Variants in ADD3 observed in about 807,000 individuals in gnomAD.
The protein encoded by ADD3 is adducin 3.
In ADD3, 25 loss-of-function variants were observed where a neutral mutation model predicts 80.2. The observed-to-expected ratio is 0.31, with a 90% CI of 0.23 to 0.44. ADD3 has a LOEUF of 0.44. Among genes scored for constraint, ADD3 ranks in the 20% least tolerant of loss-of-function variants. The pLI is 1.00. For missense variants in ADD3, 829 were observed against 847.5 expected (o/e 0.98, Z 0.27); for synonymous variants, 284 against 289.6 (o/e 0.98, Z 0.20).
chr10:110,005,542 C>T (rs1414671832), upstream of ADD3, among the ~76,000 whole-genome samples: 1 of 152,014 alleles, frequency 6.6e-6, no homozygotes, highest in Non-Finnish European at 1.5e-5. Context: ...TACTAAATAG[C>T]TTTCCTTTAT....
intron 2 of ADD3, among the ~76,000 whole-genome samples, chr10:110,111,800 C>T (rs1237208589): frequency 2.0e-5 from 3 of 152,022 alleles, no homozygotes; most frequent in Non-Finnish European, 4.4e-5. Context: ...GTAATCCCAG[C>T]TACTCAGGAG....
At chr10:110,022,125 G>T (rs934469507) in intron 1 of ADD3, among the ~76,000 whole-genome samples, 1 of 151,652 alleles carries the variant, frequency 6.6e-6, no homozygotes, top group African/African-American at 2.4e-5. Flanking sequence ...TGATAACTCA[G>T]GGGTGAGTCT....
chr10:110,118,820 T>A (rs1851104593), intron 6 of ADD3, 84 bp downstream of exon 6: 2 of 1,355,122 alleles, frequency 1.5e-6, no homozygotes, highest in Non-Finnish European at 2.0e-6. Flanking sequence ...CTTTACTATC[T>A]GCTTTTCAAA....
intron 1 of ADD3, among the ~76,000 whole-genome samples, chr10:110,084,600 C>G (rs893618639): frequency 6.6e-6 from 1 of 152,170 alleles, no homozygotes. Flanking sequence ...CTCTCTCTCT[C>G]AGGATCTGTT....
At chr10:110,109,606 G>A (rs192193294) in intron 2 of ADD3, among the ~76,000 whole-genome samples, 15 of 152,240 alleles carry the variant, frequency 9.9e-5, no homozygotes, top group Admixed American at 3.3e-4. Context: ...TTTAAAAACT[G>A]AATCAAAGAA....
intron 10 of ADD3, among the ~76,000 whole-genome samples, chr10:110,124,489 A>G (rs190072211): frequency 1.5e-4 from 23 of 152,250 alleles, no homozygotes; most frequent in African/African-American, 4.3e-4. Context: ...CTGTTTTTCT[A>G]TTTTATAGAT....
chr10:110,018,836 G>A (rs554854250), intron 1 of ADD3, among the ~76,000 whole-genome samples: 1 of 152,310 alleles, frequency 6.6e-6, no homozygotes, highest in South Asian at 2.1e-4. Flanking sequence ...CAGGAGTGAA[G>A]GGAGGGGATG....
intron 1 of ADD3, among the ~76,000 whole-genome samples, chr10:110,059,558 C>T (rs369181325): frequency 3.3e-5 from 5 of 151,540 alleles, no homozygotes; most frequent in East Asian, 1.9e-4. Context: ...GTCAGGAGTT[C>T]GAGAACAGCC....
chr10:110,007,773 G>A (rs1823669022), upstream of ADD3, among the ~76,000 whole-genome samples: 2 of 151,532 alleles, frequency 1.3e-5, no homozygotes, highest in Admixed American at 1.3e-4. Flanking sequence ...CGCTCGGGGC[G>A]GGGCCAGAGA....
intron 1 of ADD3, among the ~76,000 whole-genome samples, chr10:110,044,769 G>A (rs770829118): frequency 4.6e-5 from 7 of 152,306 alleles, no homozygotes; most frequent in Non-Finnish European, 8.8e-5. Flanking sequence ...TCAAAATGAA[G>A]CTATGTGATT....
At chr10:110,077,551 G>A (rs1456437178) in intron 1 of ADD3, among the ~76,000 whole-genome samples, 2 of 152,112 alleles carry the variant, frequency 1.3e-5, no homozygotes, top group African/African-American at 2.4e-5. Context: ...TTAAAAAAAA[G>A]GCAGCTTCTA....
intron 2 of ADD3, among the ~76,000 whole-genome samples, chr10:110,111,837 C>T (rs758305037): frequency 9.9e-5 from 15 of 151,666 alleles, no homozygotes; most frequent in Non-Finnish European, 5.9e-5. Context: ...CGCTTCAACC[C>T]GGGAGGCGGA....
At chr10:110,120,754 A>G (rs928415735) in intron 8 of ADD3, among the ~76,000 whole-genome samples, 1 of 152,182 alleles carries the variant, frequency 6.6e-6, no homozygotes, top group Non-Finnish European at 1.5e-5. Flanking sequence ...AAACTATACT[A>G]CAAGGCTACA....
chr10:110,019,633 C>T (rs554835591), intron 1 of ADD3, among the ~76,000 whole-genome samples: 30 of 152,306 alleles, frequency 2.0e-4, no homozygotes, highest in African/African-American at 6.7e-4. Context: ...GGATTACAGG[C>T]GTGAGCCACT....
chr10:110,079,453 AGAGAGAGAGTGTGTGTGTGTGTGTGT>A (rs1198831402), intron 1 of ADD3, among the ~76,000 whole-genome samples: 3 of 132,824 alleles, frequency 2.3e-5, no homozygotes, highest in Admixed American at 7.2e-5. Context: ...AGAGAGAGAG[AGAGAGAGAGTGTGTGTGTGTGTGTGT>A]GTGTGTGTGT....
rs145240854 is a variant in ADD3 at position 110,118,196 on chromosome 10, A to G, written c.568-391A>G. Among the ~76,000 whole-genome samples, 4 of 152,272 alleles carry G rather than the reference A, an allele frequency of 2.6e-5. No homozygotes were observed. In the East Asian group the frequency reaches 7.7e-4, roughly 29 times the overall value. On this transcript the variant is annotated intron_variant, in intron 5 of 14. Transcript: ENST00000356080. ...ATCAGCTTACAGAGTGACAGGAGCT[A>G]CCTTGGTTCTGGGTGCTTGCTGCAA...
upstream of ADD3, among the ~76,000 whole-genome samples, chr10:110,006,314 C>T (rs1851630533): frequency 6.6e-6 from 1 of 152,146 alleles, no homozygotes; most frequent in Admixed American, 6.5e-5. Context: ...ATAGTGAGGA[C>T]TATATTCTGA....
chr10:110,043,267 T>C (rs1292710493), intron 1 of ADD3, among the ~76,000 whole-genome samples: 1 of 152,256 alleles, frequency 6.6e-6, no homozygotes, highest in East Asian at 1.9e-4. Flanking sequence ...TAATGTTCTT[T>C]AGAGAAATCT....
upstream of ADD3, chr10:110,007,871 C>A (rs1165312939): frequency 8.8e-6 from 1 of 114,262 alleles, no homozygotes; most frequent in Non-Finnish European, 1.8e-5. Flanking sequence ...GCGTAGGGGG[C>A]TGCGAGGGGC....
Sources: gnomAD v4.1 joint callset for allele counts (sites outside exome capture counted in the v4.1 genomes callset) on GRCh38, gnomAD v4.1.1 for gene constraint, MANE v1.5 for transcripts, NCBI Gene and HGNC (gene_info 2026-07-23, HGNC 2026-07-21) for gene names.